Variants in RBFOX1 observed in about 807,000 individuals in gnomAD.
RBFOX1 encodes RNA binding protein fox-1 homolog 1.
A neutral mutation model predicts 57.7 loss-of-function variants in RBFOX1; 8 were observed. The observed-to-expected ratio is 0.14, with a 90% CI of 0.08 to 0.25. The LOEUF (loss-of-function observed/expected upper bound fraction) is 0.25. Among genes scored for constraint, RBFOX1 ranks in the 10% least tolerant of loss-of-function variants. RBFOX1 has a pLI of 1.00. For synonymous variants in RBFOX1, 326 were observed against 222.4 expected, an observed-to-expected ratio of 1.47 and a Z score of -4.15; for missense variants, 611 against 548.5, an observed-to-expected ratio of 1.11 and a Z score of -1.14.
chr16:6,902,869 C>T (rs1188452758), intron 3 of RBFOX1, among the ~76,000 whole-genome samples: 2 of 152,174 alleles, frequency 1.3e-5, no homozygotes, highest in Admixed American at 6.5e-5. Flanking sequence ...TAGATTGTTT[C>T]ATCAGACATT....
intron 4 of RBFOX1, among the ~76,000 whole-genome samples, chr16:5,918,763 T>G (rs1049224829): frequency 2.0e-5 from 3 of 152,222 alleles, no homozygotes; most frequent in Admixed American, 2.0e-4. Context: ...GTCCTGAGGT[T>G]GATCACAGTC....
chr16:6,986,424 C>T lies in RBFOX1; in HGVS notation c.-15-65633C>T, dbSNP rs537832400. 2.0e-5 allele frequency among the ~76,000 whole-genome samples: 3 copies of T among 152,144 alleles called. No homozygotes were observed. In the East Asian group the frequency reaches 5.8e-4, roughly 30 times the overall value. On this transcript the variant is annotated intron_variant, in intron 3 of 15. Coordinates refer to ENST00000550418, the MANE Select transcript of RBFOX1 (RefSeq NM_018723.4). Reference sequence around the variant, plus strand: ...ATGTTGGCCAGGCTGGTCTGGAACTCCTGACCTCAAGTGATCCCCCTGCCT... The same window carrying T: ...ATGTTGGCCAGGCTGGTCTGGAACTTCTGACCTCAAGTGATCCCCCTGCCT...
intron 2 of RBFOX1, among the ~76,000 whole-genome samples, chr16:6,370,761 A>G (rs1250500533): frequency 8.5e-5 from 13 of 152,220 alleles, no homozygotes; most frequent in Admixed American, 8.5e-4. Context: ...AATACTGATA[A>G]TAGTTGCACA....
At chr16:7,683,345 C>G (rs892037210) in intron 14 of RBFOX1, among the ~76,000 whole-genome samples, 1 of 151,658 alleles carries the variant, frequency 6.6e-6, no homozygotes, top group South Asian at 2.1e-4. Flanking sequence ...CAGACAGACA[C>G]ACACACGTTA....
intron 1 of RBFOX1, among the ~76,000 whole-genome samples, chr16:5,399,404 C>G (rs1160717775): frequency 6.6e-6 from 1 of 152,094 alleles, no homozygotes; most frequent in Non-Finnish European, 1.5e-5. Flanking sequence ...TTTAATTTTT[C>G]TCGTAGAAAA....
chr16:5,880,623 G>A (rs920204123), intron 4 of RBFOX1, among the ~76,000 whole-genome samples: 1 of 152,242 alleles, frequency 6.6e-6, no homozygotes, highest in East Asian at 1.9e-4. Context: ...AGTCACTGAT[G>A]GGTGTCTGGA....
In RBFOX1 at chr16:5,908,229, C is replaced by CAT. The variant is rs540004211; in HGVS notation, c.351+40902_351+40903dup. Among the ~76,000 whole-genome samples, 121 of 141,038 alleles carry CAT rather than the reference C, an allele frequency of 8.6e-4. 2 individuals are homozygous for CAT. Among genetic ancestry groups the CAT allele is most frequent in the African/African-American group, 3.3e-3 (113 of 33,810 alleles). 92.5% of individuals were successfully genotyped at this position (141,038 alleles called of 152,430 possible). A position where few individuals can be genotyped will look rare whatever the true frequency, so the allele number is the denominator to read the frequency against. ...ACACATATATATACATATATACACA[C>CAT]ATATATATACATATACATACACACA... On this transcript the variant is annotated intron_variant, in intron 4 of 19. Coordinates refer to the RBFOX1 transcript ENST00000641259.
intron 3 of RBFOX1, among the ~76,000 whole-genome samples, chr16:5,827,417 A>AAAG (rs1555538356): frequency 6.6e-6 from 1 of 151,568 alleles, no homozygotes; most frequent in Non-Finnish European, 1.5e-5. Context: ...AAAAAAAAAA[A>AAAG]AAAAGAAAAG....
intron 2 of RBFOX1, among the ~76,000 whole-genome samples, chr16:6,581,984 T>C (rs954967691): frequency 2.6e-5 from 4 of 152,188 alleles, no homozygotes; most frequent in Non-Finnish European, 5.9e-5. Context: ...CTTTGGTTGT[T>C]GCAGTTGAAG....
At chr16:7,572,632 G>A (rs894323938) in intron 5 of RBFOX1, among the ~76,000 whole-genome samples, 18 of 152,154 alleles carry the variant, frequency 1.2e-4, no homozygotes, top group African/African-American at 1.9e-4. Context: ...GAGGTCAGGA[G>A]ATCGAGACCA....
At chr16:7,048,214 T>G (rs1297107191) in intron 3 of RBFOX1, among the ~76,000 whole-genome samples, 1 of 151,562 alleles carries the variant, frequency 6.6e-6, no homozygotes, top group Non-Finnish European at 1.5e-5. Context: ...AAAAATTTAG[T>G]TATTTTTATG....
chr16:7,533,709 C>T (rs1464816661), intron 5 of RBFOX1, among the ~76,000 whole-genome samples: 2 of 152,198 alleles, frequency 1.3e-5, no homozygotes, highest in African/African-American at 4.8e-5. Context: ...TGTATGGGCA[C>T]TCAAAGCATG....
intron 3 of RBFOX1, among the ~76,000 whole-genome samples, chr16:6,769,974 A>G (rs1409618953): frequency 2.0e-5 from 3 of 152,144 alleles, no homozygotes; most frequent in Non-Finnish European, 2.9e-5. Context: ...CCTGCAGGCT[A>G]CAGGTCCTTT....
At chr16:6,727,120 G>C (rs995707889) in intron 3 of RBFOX1, among the ~76,000 whole-genome samples, 2 of 53,968 alleles carry the variant, frequency 3.7e-5, no homozygotes, top group Admixed American at 2.5e-4. Flanking sequence ...ATATGTGTGT[G>C]TGTGTATATA....
At chr16:6,637,348 TTATATATTAAA>T (rs2098450597) in intron 2 of RBFOX1, among the ~76,000 whole-genome samples, 2 of 86,964 alleles carry the variant, frequency 2.3e-5, no homozygotes, top group African/African-American at 1.2e-4. Context: ...CAAATATATA[TTATATATTAAA>T]TATATATAAT....
chr16:7,633,477 C>T (rs74819875), intron 11 of RBFOX1, among the ~76,000 whole-genome samples: 3,829 of 152,064 alleles, frequency 0.025, 175 homozygotes, highest in African/African-American at 0.088. Flanking sequence ...TTAATCTATT[C>T]CCCCATTCTT....
At chr16:7,132,625 C>A (rs1416780599) in intron 4 of RBFOX1, among the ~76,000 whole-genome samples, 1 of 151,000 alleles carries the variant, frequency 6.6e-6, no homozygotes. Flanking sequence ...AAACCACACA[C>A]ACACAATGGA....
intron 4 of RBFOX1, among the ~76,000 whole-genome samples, chr16:7,129,780 C>T (rs1163558918): frequency 8.4e-6 from 1 of 119,342 alleles, no homozygotes; most frequent in African/African-American, 3.3e-5. Flanking sequence ...TGCAAAGAGA[C>T]ATTTATCACA....
intron 5 of RBFOX1, among the ~76,000 whole-genome samples, chr16:7,553,584 A>G (rs959810744): frequency 1.3e-5 from 2 of 152,238 alleles, no homozygotes; most frequent in African/African-American, 2.4e-5. Flanking sequence ...ACATATGGCA[A>G]AATTTCAAAC....
Sources: gnomAD v4.1 joint callset for allele counts (sites outside exome capture counted in the v4.1 genomes callset) on GRCh38, gnomAD v4.1.1 for gene constraint, MANE v1.5 for transcripts, NCBI Gene and HGNC (gene_info 2026-07-23, HGNC 2026-07-21) for gene names.